The following FER variants were observed in gnomAD, a reference collection of about 807,000 sequenced individuals.
The protein encoded by FER is FER tyrosine kinase.
Under a neutral mutation model 111.0 loss-of-function variants are expected in FER, and 63 were observed. The ratio of observed to expected loss-of-function variants is 0.57; its 90% CI spans 0.46 to 0.70. FER has a LOEUF of 0.70. FER is among the 30% of genes least tolerant of loss of function. FER has a pLI of 0.00. For synonymous variants in FER, 327 were observed against 313.9 expected (o/e 1.04, Z -0.44); for missense variants, 914 against 954.0 (o/e 0.96, Z 0.55).
chr5:108,965,784 T>G (rs867247725), intron 13 of FER, among the ~76,000 whole-genome samples: 1 of 152,182 alleles, frequency 6.6e-6, no homozygotes, highest in Admixed American at 6.5e-5. Flanking sequence ...AGGATATAAG[T>G]GAACTTAACA....
intron 16 of FER, among the ~76,000 whole-genome samples, chr5:109,080,027 T>G (rs1776806688): frequency 6.6e-6 from 1 of 152,128 alleles, no homozygotes; most frequent in South Asian, 2.1e-4. Context: ...AACTGCTACT[T>G]TTTTGATAAA....
At position 109,073,557 on chromosome 5, in the gene FER, T is replaced by C. The variant is rs1776001176; in HGVS notation, c.1924+26359T>C. On this transcript the variant is annotated intron_variant, in intron 16 of 19. Coordinates refer to ENST00000281092, the MANE Select transcript of FER (RefSeq NM_005246.4). ...TTTATATCTCACCATTATATAAATA[T>C]CTAATGGGGAAAACTATGTATAGTA... Among the ~76,000 whole-genome samples the C allele has an allele frequency of 2.6e-5, 4 of 152,276 alleles. No individual in the cohort carries two copies. In the South Asian group the frequency reaches 6.2e-4, roughly 24 times the overall value.
chr5:108,993,013 G>T (rs1489787008), intron 13 of FER, among the ~76,000 whole-genome samples: 1 of 150,908 alleles, frequency 6.6e-6, no homozygotes, highest in East Asian at 2.0e-4. Flanking sequence ...TCACTTCCTA[G>T]ATGGGATGGC....
intron 10 of FER, among the ~76,000 whole-genome samples, chr5:108,935,022 T>A (rs1001729066): frequency 6.6e-6 from 1 of 152,168 alleles, no homozygotes; most frequent in African/African-American, 2.4e-5. Flanking sequence ...TCCTGATTAA[T>A]ATATTACATA....
chr5:109,091,499 C>T (rs143367228), intron 16 of FER, among the ~76,000 whole-genome samples: 2,109 of 152,278 alleles, frequency 0.014, 23 homozygotes, highest in Non-Finnish European at 0.023. Flanking sequence ...AGATAACTGC[C>T]GCGGGCAAAG....
chr5:109,191,952 G>A lies in FER; in HGVS notation c.*4377G>A, dbSNP rs1200222257. ...TAAAAAAAATGCTGTCCTACAGAAG[G>A]TGTATAAACTATACCTTAGCCATAA... On this transcript the variant is annotated 3_prime_UTR_variant, in exon 20 of 20. Transcript: ENST00000281092. The A allele has an allele frequency of 1.3e-5, 2 of 152,030 alleles. No homozygotes were observed. Among genetic ancestry groups the A allele is most frequent in the Non-Finnish European group, 2.9e-5 (2 of 68,006 alleles). The allele number at this position is 152,030 out of a possible 1,614,324, so 9.4% of individuals were successfully genotyped here. A position where few individuals can be genotyped will look rare whatever the true frequency, so the allele number is the denominator to read the frequency against.
At chr5:108,940,133 C>A (rs1194502204) in intron 10 of FER, among the ~76,000 whole-genome samples, 1 of 152,016 alleles carries the variant, frequency 6.6e-6, no homozygotes, top group African/African-American at 2.4e-5. Flanking sequence ...AGACATTTGG[C>A]CTTTAACCTG....
At chr5:108,997,106 T>C (rs1223511078) in intron 13 of FER, among the ~76,000 whole-genome samples, 1 of 151,922 alleles carries the variant, frequency 6.6e-6, no homozygotes, top group Non-Finnish European at 1.5e-5. Flanking sequence ...GCACATTGAT[T>C]TTGTATCCTG....
intron 17 of FER, among the ~76,000 whole-genome samples, chr5:109,139,151 C>G (rs1397923214): frequency 6.6e-6 from 1 of 152,062 alleles, no homozygotes; most frequent in Non-Finnish European, 1.5e-5. Context: ...TCAAAAGGAA[C>G]ACAGCGGAGC....
chr5:108,978,000 CCA>C lies in FER; in HGVS notation c.1656+18655_1656+18656del, dbSNP rs1761593452. Among the ~76,000 whole-genome samples the C allele has an allele frequency of 2.6e-5, 4 of 152,246 alleles. No homozygotes were observed. The South Asian group carries it at 6.2e-4, about 24-fold the overall frequency. ...TAGCTGGGACCACTGATGCATGCCA[CCA>C]CGATTGGCTAATATTTGTATTTTTA... On this transcript the variant is annotated intron_variant, in intron 13 of 19. Coordinates refer to ENST00000281092, the MANE Select transcript of FER (RefSeq NM_005246.4).
chr5:108,862,813 A>G (rs957065697), intron 5 of FER, among the ~76,000 whole-genome samples: 1 of 152,092 alleles, frequency 6.6e-6, no homozygotes, highest in African/African-American at 2.4e-5. Context: ...GTTAACAGAA[A>G]CTTAAACTAG....
At chr5:109,051,991 A>G (rs201410097) in intron 16 of FER, 74 of 1,586,302 alleles carry the variant, frequency 4.7e-5, no homozygotes, top group Admixed American at 1.8e-4. Flanking sequence ...GATACTGATG[A>G]TGTAGGTTCG....
At chr5:108,955,424 G>A (rs1472367090) in intron 12 of FER, among the ~76,000 whole-genome samples, 2 of 151,742 alleles carry the variant, frequency 1.3e-5, no homozygotes, top group Admixed American at 1.3e-4. Context: ...ATAAGCTCTT[G>A]TTTATTGGCA....
At chr5:109,117,454 T>C (rs918943649) in intron 17 of FER, among the ~76,000 whole-genome samples, 1 of 152,170 alleles carries the variant, frequency 6.6e-6, no homozygotes. Flanking sequence ...ATCATTCTTA[T>C]GTAAAATAAG....
chr5:109,172,040 G>T (rs1014852767), intron 17 of FER, among the ~76,000 whole-genome samples: 4 of 152,192 alleles, frequency 2.6e-5, no homozygotes, highest in East Asian at 1.9e-4. Context: ...TTGGTGGGAA[G>T]GTAAACTAGT....
At chr5:108,767,102 G>C (rs1461686062) in intron 1 of FER, among the ~76,000 whole-genome samples, 4 of 152,108 alleles carry the variant, frequency 2.6e-5, no homozygotes, top group Non-Finnish European at 5.9e-5. Flanking sequence ...TCAGGAATTC[G>C]AGACCAGCCT....
chr5:108,823,886 C>A (rs1002557283), intron 3 of FER, among the ~76,000 whole-genome samples: 2 of 151,958 alleles, frequency 1.3e-5, no homozygotes, highest in Non-Finnish European at 2.9e-5. Context: ...TTTATTTTTT[C>A]TTCTAGGAGT....
intron 17 of FER, among the ~76,000 whole-genome samples, chr5:109,177,950 T>C (rs1757886533): frequency 1.3e-5 from 2 of 152,180 alleles, no homozygotes; most frequent in South Asian, 2.1e-4. Flanking sequence ...TCTAGCACTT[T>C]TATGTGTGAA....
At position 108,834,387 on chromosome 5, in the gene FER, A is replaced by G. The variant is rs562109305; in HGVS notation, c.382-1321A>G. Among the ~76,000 whole-genome samples the G allele has an allele frequency of 8.5e-5, 13 of 152,168 alleles. No homozygotes were observed. The East Asian group carries it at 2.5e-3, about 29-fold the overall frequency. ...TGACTAATTGGTTCCAGTGTTGTCAACCTGATCAATCTATTAAAAAAGTTT... is the reference window on the plus strand; with the variant it reads ...TGACTAATTGGTTCCAGTGTTGTCAGCCTGATCAATCTATTAAAAAAGTTT... On this transcript the variant is annotated intron_variant, in intron 4 of 19. Coordinates refer to ENST00000281092, the MANE Select transcript of FER (RefSeq NM_005246.4).
Sources: allele counts gnomAD v4.1 joint callset (sites outside exome capture counted in the v4.1 genomes callset), GRCh38; gene constraint gnomAD v4.1.1; transcripts MANE v1.5; gene names NCBI Gene and HGNC (gene_info 2026-07-23, HGNC 2026-07-21).